The following SYNJ1 variants were observed in gnomAD, a reference collection of about 807,000 sequenced individuals.
SYNJ1 encodes synaptojanin 1.
SYNJ1 carries 78 observed loss-of-function variants against 168.2 expected under a neutral mutation model. The observed-to-expected ratio is 0.46, with a 90% CI of 0.39 to 0.56. SYNJ1 has a LOEUF of 0.56. Ranked by LOEUF, SYNJ1 falls within the 20% of genes least tolerant of loss-of-function variation. SYNJ1 has a pLI of 0.00. For synonymous variants in SYNJ1, 539 were observed against 548.6 expected, an observed-to-expected ratio of 0.98 and a Z score of 0.24; for missense variants, 1,303 against 1,597.6, an observed-to-expected ratio of 0.82 and a Z score of 3.14.
chr21:32,696,888 AC>A (rs748535583), intron 4 of SYNJ1, among the ~76,000 whole-genome samples: 27 of 152,344 alleles, frequency 1.8e-4, no homozygotes, highest in Non-Finnish European at 4.0e-4. Context: ...AAATCTGATG[AC>A]CATTACTTAT....
chr21:32,640,892 T>A (rs2039806181), intron 29 of SYNJ1, among the ~76,000 whole-genome samples: 1 of 152,232 alleles, frequency 6.6e-6, no homozygotes, highest in African/African-American at 2.4e-5. Flanking sequence ...AATATGAACT[T>A]TTAAACTCAC....
chr21:32,668,819 T>A (rs1484723029), intron 15 of SYNJ1, among the ~76,000 whole-genome samples: 1 of 152,190 alleles, frequency 6.6e-6, no homozygotes, highest in Non-Finnish European at 1.5e-5. Context: ...CCAAAGCCCA[T>A]GGGGTCACAA....
intron 7 of SYNJ1, among the ~76,000 whole-genome samples, chr21:32,687,613 C>T (rs767222844): frequency 6.6e-6 from 1 of 152,186 alleles, no homozygotes; most frequent in Non-Finnish European, 1.5e-5. Flanking sequence ...CAAGAAGGTG[C>T]ATTTATAAAC....
At chr21:32,725,103 A>G (rs2043398548) in intron 2 of SYNJ1, among the ~76,000 whole-genome samples, 1 of 152,222 alleles carries the variant, frequency 6.6e-6, no homozygotes. Context: ...AGTAAAGTGT[A>G]GCAATAATTC....
chr21:32,692,599 A>G (rs1419490284), intron 6 of SYNJ1, among the ~76,000 whole-genome samples: 1 of 151,982 alleles, frequency 6.6e-6, no homozygotes, highest in Admixed American at 6.6e-5. Flanking sequence ...ATAATTTTCC[A>G]CCTATCACCA....
At chr21:32,695,843 T>C (rs1283632455) in intron 4 of SYNJ1, among the ~76,000 whole-genome samples, 1 of 149,840 alleles carries the variant, frequency 6.7e-6, no homozygotes, top group Non-Finnish European at 1.5e-5. Flanking sequence ...TTTGTTTTGT[T>C]TTGTTTTTTT....
At chr21:32,669,773 A>G (rs1233183536) in intron 15 of SYNJ1, among the ~76,000 whole-genome samples, 6 of 152,302 alleles carry the variant, frequency 3.9e-5, no homozygotes, top group Admixed American at 2.6e-4. Context: ...GGTTATTAAA[A>G]TATTTCCTTT....
At chr21:32,692,617 T>G (rs2146147603) in intron 6 of SYNJ1, among the ~76,000 whole-genome samples, 1 of 151,986 alleles carries the variant, frequency 6.6e-6, no homozygotes, top group Middle Eastern at 3.4e-3. Flanking sequence ...CCACATAACA[T>G]TAGCCAACCA....
intron 15 of SYNJ1, among the ~76,000 whole-genome samples, chr21:32,668,884 T>TA (rs1985012860): frequency 6.6e-6 from 1 of 152,178 alleles, no homozygotes; most frequent in African/African-American, 2.4e-5. Context: ...ACATTTGCAC[T>TA]GATGGTGCAA....
chr21:32,639,805 A>G, intron 29 of SYNJ1, 26 bp from the exon 30 acceptor site: 2 of 1,584,410 alleles, frequency 1.3e-6, no homozygotes, highest in Middle Eastern at 1.7e-4. Context: ...ATAACACTTG[A>G]GACATTTACT....
At chr21:32,702,168 C>G (rs1303273087) in intron 2 of SYNJ1, 121 bp from the exon 3 acceptor site, 4 of 630,370 alleles carry the variant, frequency 6.3e-6, no homozygotes, top group Non-Finnish European at 1.1e-5. Flanking sequence ...AATAAATGTA[C>G]TGCATATTTT....
intron 8 of SYNJ1, 145 bp from the exon 9 acceptor site, chr21:32,686,062 T>A: frequency 1.4e-6 from 1 of 729,136 alleles, no homozygotes; most frequent in Non-Finnish European, 2.1e-6. Flanking sequence ...GGTGACACAA[T>A]TAACATCAGT....
At chr21:32,710,734 A>G (rs557885887) in intron 2 of SYNJ1, among the ~76,000 whole-genome samples, 91 of 152,140 alleles carry the variant, frequency 6.0e-4, no homozygotes, top group Non-Finnish European at 1.1e-3. Flanking sequence ...AAGTCCTACA[A>G]TCTTTAGAAT....
intron 11 of SYNJ1, 63 bp from the exon 12 acceptor site, chr21:32,678,864 TA>T (rs2041515406): frequency 1.9e-6 from 3 of 1,562,804 alleles, no homozygotes; most frequent in Non-Finnish European, 2.6e-6. Context: ...TTTTACTCAT[TA>T]GGTTTTTTGA....
intron 15 of SYNJ1, among the ~76,000 whole-genome samples, chr21:32,668,007 ATATGTGTGTGTGTGTG>A (rs1226034828): frequency 2.1e-5 from 2 of 96,088 alleles, no homozygotes; most frequent in East Asian, 5.9e-4. Flanking sequence ...AGAAGAATAT[ATATGTGTGTGTGTGTG>A]TGTGTGTGTG....
At chr21:32,642,159 AT>A in intron 27 of SYNJ1, 26 bp from the exon 28 acceptor site, 2 of 1,613,354 alleles carry the variant, frequency 1.2e-6, no homozygotes, top group Non-Finnish European at 1.7e-6. Context: ...GGAAAAAAAA[AT>A]TAGTTGTAAG....
chr21:32,724,647 C>A (rs1255520270), intron 2 of SYNJ1, among the ~76,000 whole-genome samples: 2 of 152,210 alleles, frequency 1.3e-5, no homozygotes, highest in Non-Finnish European at 2.9e-5. Flanking sequence ...ATACAATAGG[C>A]ATTTTTAAAG....
upstream of SYNJ1, chr21:32,728,056 G>A: frequency 1.3e-6 from 2 of 1,526,952 alleles, no homozygotes; most frequent in Non-Finnish European, 1.8e-6. Flanking sequence ...CGCGGCCGGG[G>A]GCGGAAGATC....
At chr21:32,695,377 T>G (rs576181864) in intron 4 of SYNJ1, 95 bp from the exon 5 acceptor site, 3 of 1,178,254 alleles carry the variant, frequency 2.5e-6, no homozygotes, top group Non-Finnish European at 3.5e-6. Context: ...TTTAATATTA[T>G]TAAATTTAAA....
Sources: gnomAD v4.1 joint callset for allele counts (sites outside exome capture counted in the v4.1 genomes callset) on GRCh38, gnomAD v4.1.1 for gene constraint, MANE v1.5 for transcripts, NCBI Gene and HGNC (gene_info 2026-07-23, HGNC 2026-07-21) for gene names.